The following PLEKHG7 variants were observed in gnomAD, a reference collection of about 807,000 sequenced individuals.
The protein encoded by PLEKHG7 is pleckstrin homology and RhoGEF domain containing G7.
PLEKHG7 carries 77 observed loss-of-function variants against 85.2 expected under a neutral mutation model. The ratio of observed to expected loss-of-function variants is 0.90; its 90% CI spans 0.75 to 1.09. PLEKHG7 has a LOEUF of 1.09. PLEKHG7 is among the 50% of genes least tolerant of loss of function. The probability of loss-of-function intolerance (pLI) is 0.00; values close to 1 mark genes in which losing one functional copy is unlikely to be tolerated. For missense variants in PLEKHG7, 777 were observed against 804.3 expected, an observed-to-expected ratio of 0.97 and a Z score of 0.41; for synonymous variants, 301 against 302.4, an observed-to-expected ratio of 1.00 and a Z score of 0.05.
chr12:92,755,823 A>AG lies in PLEKHG7; in HGVS notation c.1429dup. On this transcript the variant is annotated splice_acceptor_variant, in intron 11 of 16. Coordinates refer to ENST00000344636, the MANE Select transcript of PLEKHG7 (RefSeq NM_001377329.1). LOFTEE classifies it high-confidence loss of function. ...ATATACTGACTATGTCATGTCTTTC[A>AG]GGGGACCTTGAAGGAAAAGTGAAGT... The AG allele has an allele frequency of 1.9e-6, 3 of 1,594,840 alleles. No homozygotes were observed. The South Asian group carries it at 3.3e-5, about 18-fold the overall frequency.
At chr12:92,704,990 C>T (rs1476711059) in intron 1 of PLEKHG7, among the ~76,000 whole-genome samples, 1 of 152,186 alleles carries the variant, frequency 6.6e-6, no homozygotes, top group Non-Finnish European at 1.5e-5. Flanking sequence ...CATTGAGCTC[C>T]TCCTCTACTG....
chr12:92,747,749 A>C (rs2136612932), intron 10 of PLEKHG7, among the ~76,000 whole-genome samples: 1 of 152,328 alleles, frequency 6.6e-6, no homozygotes, highest in African/African-American at 2.4e-5. Context: ...AAATCTTGTC[A>C]CTTACAGATA....
intron 9 of PLEKHG7, among the ~76,000 whole-genome samples, chr12:92,744,507 T>G (rs991736237): frequency 1.6e-4 from 24 of 152,134 alleles, no homozygotes; most frequent in African/African-American, 5.6e-4. Context: ...CTAAAAACAA[T>G]TTTAGGTGGC....
intron 3 of PLEKHG7, among the ~76,000 whole-genome samples, chr12:92,717,371 G>C (rs994971649): frequency 6.6e-6 from 1 of 152,164 alleles, no homozygotes; most frequent in East Asian, 1.9e-4. Flanking sequence ...TTACCAATAG[G>C]GGGCAGCAGG....
intron 3 of PLEKHG7, among the ~76,000 whole-genome samples, chr12:92,709,800 T>A (rs971834072): frequency 6.6e-6 from 1 of 152,152 alleles, no homozygotes; most frequent in Non-Finnish European, 1.5e-5. Flanking sequence ...CCCAGCACTG[T>A]GGAAGGGCCA....
intron 6 of PLEKHG7, among the ~76,000 whole-genome samples, chr12:92,737,020 G>T (rs1429878102): frequency 6.6e-6 from 1 of 152,114 alleles, no homozygotes; most frequent in Non-Finnish European, 1.5e-5. Flanking sequence ...CCCAGTCCTG[G>T]GTTTAGGGTT....
intron 4 of PLEKHG7, among the ~76,000 whole-genome samples, chr12:92,731,657 T>G (rs540998849): frequency 6.6e-6 from 1 of 152,314 alleles, no homozygotes; most frequent in South Asian, 2.1e-4. Context: ...GGCTTCCTTC[T>G]CAAGTCAAAG....
intron 13 of PLEKHG7, among the ~76,000 whole-genome samples, chr12:92,761,322 C>G (rs984169387): frequency 6.6e-6 from 1 of 151,974 alleles, no homozygotes; most frequent in African/African-American, 2.4e-5. Flanking sequence ...TGAGTTGAAG[C>G]CACTACAAAT....
At chr12:92,719,627 T>G (rs1276631946) in intron 3 of PLEKHG7, among the ~76,000 whole-genome samples, 1 of 152,194 alleles carries the variant, frequency 6.6e-6, no homozygotes, top group African/African-American at 2.4e-5. Context: ...GACACACATA[T>G]CACTAAAGGG....
At chr12:92,764,783 CTACAGA>C (rs1420677830) in intron 15 of PLEKHG7, among the ~76,000 whole-genome samples, 1 of 152,002 alleles carries the variant, frequency 6.6e-6, no homozygotes, top group African/African-American at 2.4e-5. Context: ...TCAGCAGGCC[CTACAGA>C]TACAAAGATG....
chr12:92,756,337 A>G lies in PLEKHG7; in HGVS notation c.1582A>G (p.Ile528Val). The G allele has an allele frequency of 1.2e-6, 2 of 1,613,158 alleles. No individual in the cohort carries two copies. Among genetic ancestry groups the G allele is most frequent in the Non-Finnish European group, 1.7e-6 (2 of 1,179,104 alleles). Residue 528 changes from isoleucine (I) to valine (V), a missense_variant, in exon 13 of 17, where the codon ATC becomes GTC. Physicochemically the swap from Ile to Val is conservative, Grantham distance 29. Transcript: ENST00000344636. ...TTTTAAAGAACACATGGCAGAAAAC[A>G]TCTTGTCACCAACCAGCAGACACCT... ...HIFKEHMAEN[I>V]LSPTSRHLLY...
intron 5 of PLEKHG7, 105 bp from the exon 6 acceptor site, chr12:92,736,377 C>T (rs1048996213): frequency 3.0e-6 from 2 of 656,656 alleles, no homozygotes; most frequent in African/African-American, 3.8e-5. Context: ...TATGCCATCT[C>T]TTATCATGAA....
At chr12:92,766,585 G>A (rs1255282158) in intron 15 of PLEKHG7, among the ~76,000 whole-genome samples, 1 of 151,982 alleles carries the variant, frequency 6.6e-6, no homozygotes, top group Admixed American at 6.6e-5. Context: ...GCTTACGCCT[G>A]TAATCCCAGT....
chr12:92,739,164 T>G (rs1408269766), intron 7 of PLEKHG7, among the ~76,000 whole-genome samples: 1 of 152,248 alleles, frequency 6.6e-6, no homozygotes, highest in Non-Finnish European at 1.5e-5. Context: ...ATCCTTGAGC[T>G]AATGGCCAGA....
chr12:92,703,450 C>T (rs903295755), intron 1 of PLEKHG7, among the ~76,000 whole-genome samples: 7 of 152,176 alleles, frequency 4.6e-5, no homozygotes, highest in African/African-American at 1.4e-4. Flanking sequence ...TTGATTCTAC[C>T]AGATCCACTG....
chr12:92,769,594 TTC>T (rs1219832280), intron 16 of PLEKHG7, among the ~76,000 whole-genome samples: 3 of 152,220 alleles, frequency 2.0e-5, no homozygotes, highest in Non-Finnish European at 4.4e-5. Flanking sequence ...TGACTCTGGT[TTC>T]TCTGTCTTAG....
chr12:92,749,398 C>T (rs934218382), intron 10 of PLEKHG7, among the ~76,000 whole-genome samples: 1 of 151,862 alleles, frequency 6.6e-6, no homozygotes, highest in African/African-American at 2.4e-5. Flanking sequence ...CTCAGGTGAC[C>T]CTCACACCTC....
rs1872152527 is a variant in PLEKHG7 at position 92,736,467 on chromosome 12, A to G, written c.700-15A>G. The G allele has an allele frequency of 8.2e-7, 1 of 1,225,080 alleles. No homozygotes were observed. The highest frequency in any genetic ancestry group is 4.1e-5 in the South Asian group (1 of 24,150). 75.9% of individuals were successfully genotyped at this position (1,225,080 alleles called of 1,614,324 possible). On this transcript the variant is annotated splice_polypyrimidine_tract_variant and intron_variant, in intron 5 of 16. Coordinates refer to ENST00000344636, the MANE Select transcript of PLEKHG7 (RefSeq NM_001377329.1). ...TCAATGTTTGAAAATCCTGTTTCTA[A>G]CCATCTTCGAGCAGGGCAAAGACAA... is the stretch of plus-strand genomic sequence containing the variant.
At chr12:92,744,989 G>A (rs1872487560) in intron 9 of PLEKHG7, among the ~76,000 whole-genome samples, 1 of 152,140 alleles carries the variant, frequency 6.6e-6, no homozygotes, top group South Asian at 2.1e-4. Flanking sequence ...ATTTCTACAT[G>A]TTTAGAAGCC....
Sources: gnomAD v4.1 joint callset for allele counts (sites outside exome capture counted in the v4.1 genomes callset) on GRCh38, gnomAD v4.1.1 for gene constraint, MANE v1.5 for transcripts, NCBI Gene and HGNC (gene_info 2026-07-23, HGNC 2026-07-21) for gene names.